GRIN2A: variants seen among roughly 807,000 people sequenced by gnomAD.
The protein encoded by GRIN2A is glutamate receptor ionotropic, NMDA 2A.
GRIN2A carries 22 observed loss-of-function variants against 113.4 expected under a neutral mutation model. The observed-to-expected ratio is 0.19, with a 90% CI of 0.14 to 0.28. The LOEUF (loss-of-function observed/expected upper bound fraction) is 0.28, where lower values mean the gene tolerates loss of function less well. GRIN2A is among the 10% of genes least tolerant of loss of function. The pLI, the probability that GRIN2A is intolerant of heterozygous loss-of-function variation, is 1.00. For synonymous variants in GRIN2A, 827 were observed against 738.4 expected, an observed-to-expected ratio of 1.12 and a Z score of -1.94; for missense variants, 1,502 against 1,887.0, an observed-to-expected ratio of 0.80 and a Z score of 3.78.
chr16:10,163,001 T>A (rs1040411280), intron 2 of GRIN2A, among the ~76,000 whole-genome samples: 4 of 152,222 alleles, frequency 2.6e-5, no homozygotes, highest in African/African-American at 4.8e-5. Flanking sequence ...TTAACAAAGT[T>A]AATTTAGGCT....
At chr16:9,845,834 A>G (rs564417551) in intron 5 of GRIN2A, among the ~76,000 whole-genome samples, 2 of 152,276 alleles carry the variant, frequency 1.3e-5, no homozygotes, top group African/African-American at 4.8e-5. Context: ...TGTTCATCAC[A>G]AGGTTTATTA....
chr16:9,796,193 CACTT>C (rs1292349145), intron 11 of GRIN2A, among the ~76,000 whole-genome samples: 5 of 152,324 alleles, frequency 3.3e-5, no homozygotes, highest in African/African-American at 9.6e-5. Context: ...AGTTAGAACT[CACTT>C]ATTTGACAGA....
At chr16:10,066,475 G>A (rs963732757) in intron 2 of GRIN2A, among the ~76,000 whole-genome samples, 1 of 152,172 alleles carries the variant, frequency 6.6e-6, no homozygotes, top group Non-Finnish European at 1.5e-5. Flanking sequence ...CTGCAAAATA[G>A]CAGTTCCATA....
chr16:9,954,067 G>A (rs2045248130), intron 2 of GRIN2A, among the ~76,000 whole-genome samples: 1 of 152,090 alleles, frequency 6.6e-6, no homozygotes, highest in Non-Finnish European at 1.5e-5. Context: ...ATTCCCCAAT[G>A]TCCTCTAAGT....
At chr16:10,054,879 C>T (rs943511991) in intron 2 of GRIN2A, among the ~76,000 whole-genome samples, 7 of 151,022 alleles carry the variant, frequency 4.6e-5, no homozygotes, top group Admixed American at 1.3e-4. Flanking sequence ...AACCCCATCT[C>T]TACTAAGAAC....
chr16:9,859,875 AAC>A (rs1360566920), intron 4 of GRIN2A, among the ~76,000 whole-genome samples: 1 of 152,062 alleles, frequency 6.6e-6, no homozygotes, highest in Non-Finnish European at 1.5e-5. Flanking sequence ...TTGCCTTTAG[AAC>A]ACACTTTCCC....
intron 3 of GRIN2A, among the ~76,000 whole-genome samples, chr16:9,931,946 G>A (rs188767451): frequency 6.6e-6 from 1 of 152,306 alleles, no homozygotes; most frequent in Admixed American, 6.5e-5. Flanking sequence ...CTATATGCTT[G>A]AACCAAGCCC....
chr16:9,822,530 AG>A, intron 9 of GRIN2A, 106 bp from the exon 10 acceptor site: 1 of 807,910 alleles, frequency 1.2e-6, no homozygotes, highest in South Asian at 1.4e-5. Flanking sequence ...GTCTGGTGTT[AG>A]GAGGTAAATG....
At chr16:9,852,302 C>T (rs1381685697) in intron 4 of GRIN2A, among the ~76,000 whole-genome samples, 3 of 152,116 alleles carry the variant, frequency 2.0e-5, no homozygotes, top group East Asian at 1.9e-4. Flanking sequence ...ACAGTAACCA[C>T]GTTATAGCTC....
intron 2 of GRIN2A, among the ~76,000 whole-genome samples, chr16:10,134,569 A>T (rs1214435682): frequency 6.6e-6 from 1 of 152,158 alleles, no homozygotes; most frequent in African/African-American, 2.4e-5. Flanking sequence ...GGGGACATGT[A>T]TACCTATGTA....
At chr16:9,841,749 C>A (rs1456140393) in intron 5 of GRIN2A, among the ~76,000 whole-genome samples, 3 of 152,168 alleles carry the variant, frequency 2.0e-5, no homozygotes, top group African/African-American at 7.2e-5. Flanking sequence ...ATCTTCCCTA[C>A]CTACCTATGT....
At chr16:9,951,336 T>C (rs920440096) in intron 2 of GRIN2A, among the ~76,000 whole-genome samples, 10 of 152,264 alleles carry the variant, frequency 6.6e-5, no homozygotes, top group Non-Finnish European at 1.0e-4. Context: ...AAGCATCTTA[T>C]GGGCATCCGA....
intron 4 of GRIN2A, among the ~76,000 whole-genome samples, chr16:9,875,768 C>G (rs2043352666): frequency 6.6e-6 from 1 of 152,134 alleles, no homozygotes; most frequent in Non-Finnish European, 1.5e-5. Context: ...ATGACTGTCA[C>G]CCTTTGGATA....
At chr16:9,900,820 A>G (rs13339541) in intron 3 of GRIN2A, among the ~76,000 whole-genome samples, 4,480 of 152,264 alleles carry the variant, frequency 0.029, 221 homozygotes, top group African/African-American at 0.1. Flanking sequence ...ACTTTGAACC[A>G]GCTGGCACAA....
At chr16:9,871,139 C>T (rs1206252587) in intron 4 of GRIN2A, among the ~76,000 whole-genome samples, 1 of 152,076 alleles carries the variant, frequency 6.6e-6, no homozygotes, top group East Asian at 1.9e-4. Context: ...CCATCTTGTC[C>T]TCCTGTCACA....
intron 2 of GRIN2A, among the ~76,000 whole-genome samples, chr16:10,174,729 T>C (rs958584226): frequency 1.3e-5 from 2 of 152,144 alleles, no homozygotes; most frequent in African/African-American, 4.8e-5. Context: ...AGACCATCCA[T>C]GCTGTTTCTT....
chr16:10,095,058 A>C (rs904420876), intron 2 of GRIN2A, among the ~76,000 whole-genome samples: 1 of 152,060 alleles, frequency 6.6e-6, no homozygotes. Context: ...AGGACTGGTG[A>C]ACTTGTAAGT....
chr16:10,035,348 T>C (rs2047005683), intron 2 of GRIN2A, among the ~76,000 whole-genome samples: 1 of 152,160 alleles, frequency 6.6e-6, no homozygotes, highest in Non-Finnish European at 1.5e-5. Flanking sequence ...CCACCATGTG[T>C]CTGTACTTCC....
intron 2 of GRIN2A, among the ~76,000 whole-genome samples, chr16:10,053,134 T>G (rs890266753): frequency 6.6e-6 from 1 of 151,958 alleles, no homozygotes; most frequent in Non-Finnish European, 1.5e-5. Context: ...ATTCTGCCAC[T>G]GTTCAGGGCC....
Sources: gnomAD v4.1 joint callset for allele counts (sites outside exome capture counted in the v4.1 genomes callset) on GRCh38, gnomAD v4.1.1 for gene constraint, MANE v1.5 for transcripts, NCBI Gene and HGNC (gene_info 2026-07-23, HGNC 2026-07-21) for gene names.